ACER3: variants seen among roughly 807,000 people sequenced by gnomAD.
ACER3 encodes alkaline ceramidase 3.
In ACER3, 16 loss-of-function variants were observed where a neutral mutation model predicts 48.9. The ratio of observed to expected loss-of-function variants is 0.33; its 90% CI spans 0.22 to 0.50. The LOEUF (loss-of-function observed/expected upper bound fraction) is 0.50. Among genes scored for constraint, ACER3 ranks in the 20% least tolerant of loss-of-function variants. ACER3 has a pLI of 0.98. For synonymous variants in ACER3, 109 were observed against 107.8 expected, an observed-to-expected ratio of 1.01 and a Z score of -0.07; for missense variants, 227 against 326.0, an observed-to-expected ratio of 0.70 and a Z score of 2.34.
At chr11:76,951,100 A>T (rs1947655715) in intron 2 of ACER3, among the ~76,000 whole-genome samples, 1 of 152,184 alleles carries the variant, frequency 6.6e-6, no homozygotes, top group Non-Finnish European at 1.5e-5. Flanking sequence ...ACTTTTTAAA[A>T]TTTATATACT....
At chr11:76,888,809 T>C (rs190390625) in intron 1 of ACER3, among the ~76,000 whole-genome samples, 222 of 152,304 alleles carry the variant, frequency 1.5e-3, no homozygotes, top group Non-Finnish European at 2.4e-3. Context: ...CCTTGCCTTA[T>C]TCTCTTGGTT....
At chr11:77,006,640 T>G (rs1016583009) in intron 7 of ACER3, among the ~76,000 whole-genome samples, 1 of 152,096 alleles carries the variant, frequency 6.6e-6, no homozygotes, top group Non-Finnish European at 1.5e-5. Context: ...TTTTTCAGAA[T>G]TTGAAAAATG....
chr11:76,982,436 C>T (rs972828754), intron 4 of ACER3, among the ~76,000 whole-genome samples: 1 of 152,004 alleles, frequency 6.6e-6, no homozygotes, highest in Admixed American at 6.6e-5. Flanking sequence ...AGGATGGTCT[C>T]GATCTCTTGA....
rs569488068 is a variant in ACER3 at position 76,937,628 on chromosome 11, A to G, written c.214+10961A>G. 6.6e-5 allele frequency among the ~76,000 whole-genome samples: 10 copies of G among 152,306 alleles called. No individual in the cohort carries two copies. In the East Asian group the frequency reaches 1.9e-3, roughly 29 times the overall value. On this transcript the variant is annotated intron_variant, in intron 2 of 10. Transcript: ENST00000532485. The stretch of plus-strand genomic sequence containing the variant: ...TGGTATACAACTTTTTTGCTAGTAA[A>G]AAGAAAATATACACATTACTTATTT...
At chr11:76,924,508 A>G (rs1946765655) in intron 1 of ACER3, among the ~76,000 whole-genome samples, 1 of 147,646 alleles carries the variant, frequency 6.8e-6, no homozygotes, top group South Asian at 2.2e-4. Flanking sequence ...CTGGCCAGCT[A>G]TTTTTTTTTT....
At chr11:76,911,868 G>A (rs760419972) in intron 1 of ACER3, among the ~76,000 whole-genome samples, 27 of 152,196 alleles carry the variant, frequency 1.8e-4, no homozygotes, top group Admixed American at 1.4e-3. Flanking sequence ...GAATGAGGGA[G>A]TGGGGAAGGT....
rs148265475 is a variant in ACER3, at chr11:76,861,478, G to A, written c.103+399G>A. Among the ~76,000 whole-genome samples the A allele has an allele frequency of 2.6e-3, 390 of 152,218 alleles. 2 individuals carry two copies. The highest frequency in any genetic ancestry group is 9.0e-3 in the African/African-American group (373 of 41,510). On this transcript the variant is annotated intron_variant, in intron 1 of 10. Coordinates refer to ENST00000532485, the MANE Select transcript of ACER3 (RefSeq NM_018367.7). ...AATGAGGGCCCAGGACACCTGCTCT[G>A]CTGTTGCCACCACCAGAAGGGTACA...
intron 1 of ACER3, among the ~76,000 whole-genome samples, chr11:76,896,705 G>A (rs1945939381): frequency 6.6e-6 from 1 of 152,130 alleles, no homozygotes; most frequent in African/African-American, 2.4e-5. Context: ...GACTAGTGCT[G>A]TACCCTCTTT....
intron 4 of ACER3, among the ~76,000 whole-genome samples, chr11:76,980,621 G>A (rs1440801311): frequency 1.3e-5 from 2 of 152,070 alleles, no homozygotes; most frequent in Admixed American, 1.3e-4. Context: ...AGGTTGCAAT[G>A]AGCCACGATT....
At chr11:77,016,860 AT>A in intron 9 of ACER3, 81 bp downstream of exon 9, 1 of 664,180 alleles carries the variant, frequency 1.5e-6, no homozygotes, top group Non-Finnish European at 2.4e-6. Context: ...GGATGTAAAT[AT>A]TTTTAAAACA....
chr11:76,973,520 C>T (rs1299489332), intron 3 of ACER3, among the ~76,000 whole-genome samples: 1 of 152,170 alleles, frequency 6.6e-6, no homozygotes. Context: ...TCCACACCCT[C>T]AGCTCCTCCA....
At chr11:76,873,808 C>A (rs957083593) in intron 1 of ACER3, among the ~76,000 whole-genome samples, 1 of 151,892 alleles carries the variant, frequency 6.6e-6, no homozygotes, top group African/African-American at 2.4e-5. Context: ...AAGGACAGTA[C>A]AATTCCTCAA....
At chr11:77,009,327 A>C (rs1949215011) in intron 7 of ACER3, among the ~76,000 whole-genome samples, 2 of 152,088 alleles carry the variant, frequency 1.3e-5, no homozygotes, top group South Asian at 4.1e-4. Flanking sequence ...ACTTTAACCA[A>C]CCATATCTCT....
Position 77,019,664 on chromosome 11 carries a change from C to T in ACER3, c.705-67C>T, listed in dbSNP as rs140396739. 259 of 1,478,008 alleles carry T rather than the reference C, an allele frequency of 1.8e-4. 2 individuals carry two copies. In the African/African-American group the frequency reaches 3.0e-3, roughly 17 times the overall value. The allele number at this position is 1,478,008 out of a possible 1,614,324, so 91.6% of individuals were successfully genotyped here. On this transcript the variant is annotated intron_variant, in intron 9 of 10. Transcript: ENST00000532485. ...GCAGAAGCACTATGGTTACGTTTGT[C>T]AGTACGCCAGTTTGCATGAATTCAA...
At chr11:76,971,788 G>C (rs1181346272) in intron 3 of ACER3, among the ~76,000 whole-genome samples, 1 of 152,136 alleles carries the variant, frequency 6.6e-6, no homozygotes, top group Admixed American at 6.5e-5. Flanking sequence ...CTTGTTATAT[G>C]GATGAAACTT....
chr11:76,947,409 A>G (rs184466471), intron 2 of ACER3, among the ~76,000 whole-genome samples: 1 of 152,340 alleles, frequency 6.6e-6, no homozygotes, highest in African/African-American at 2.4e-5. Context: ...TAGTGTGATC[A>G]TATCTATAGT....
At chr11:76,898,729 C>T (rs191447968) in intron 1 of ACER3, among the ~76,000 whole-genome samples, 2,727 of 121,780 alleles carry the variant, frequency 0.022, 74 homozygotes, top group African/African-American at 0.069. Context: ...ACGGTGAAAC[C>T]CCGTCTCTAC....
At chr11:76,890,933 T>C (rs1406279839) in intron 1 of ACER3, among the ~76,000 whole-genome samples, 1 of 151,772 alleles carries the variant, frequency 6.6e-6, no homozygotes, top group African/African-American at 2.4e-5. Context: ...CCGTGGCCAA[T>C]ATGACAAAAC....
At chr11:76,955,104 T>A (rs764828963) in intron 2 of ACER3, among the ~76,000 whole-genome samples, 38 of 152,158 alleles carry the variant, frequency 2.5e-4, no homozygotes, top group Admixed American at 3.3e-4. Context: ...ATGGCTGTAA[T>A]CACAAAGACA....
Sources: allele counts gnomAD v4.1 joint callset (sites outside exome capture counted in the v4.1 genomes callset), GRCh38; gene constraint gnomAD v4.1.1; transcripts MANE v1.5; gene names NCBI Gene and HGNC (gene_info 2026-07-23, HGNC 2026-07-21).